SLC36A1: variants seen among roughly 807,000 people sequenced by gnomAD.
SLC36A1 encodes solute carrier family 36 member 1.
A neutral mutation model predicts 47.5 loss-of-function variants in SLC36A1; 30 were observed. The ratio of observed to expected loss-of-function variants is 0.63; its 90% CI spans 0.47 to 0.86. The LOEUF is 0.86. Among genes scored for constraint, SLC36A1 ranks in the 40% least tolerant of loss-of-function variants. SLC36A1 has a pLI of 0.00. For synonymous variants in SLC36A1, 255 were observed against 249.7 expected, an observed-to-expected ratio of 1.02 and a Z score of -0.20; for missense variants, 517 against 606.0, an observed-to-expected ratio of 0.85 and a Z score of 1.54.
At chr5:151,485,009 C>T (rs1048515076) in intron 10 of SLC36A1, among the ~76,000 whole-genome samples, 4 of 152,096 alleles carry the variant, frequency 2.6e-5, no homozygotes, top group African/African-American at 9.7e-5. Context: ...GTCTTGGTGT[C>T]GGTACCACAG....
At chr5:151,393,522 T>G in the SLC36A1 span, among the ~76,000 whole-genome samples, 1 of 152,212 alleles carries the variant, frequency 6.6e-6, no homozygotes, top group Non-Finnish European at 1.5e-5. Context: ...ATTTGTCATG[T>G]TTTTGCAGTG....
chr5:151,380,782 A>G, the SLC36A1 span: 1 of 527,736 alleles, frequency 1.9e-6, no homozygotes, highest in East Asian at 5.1e-5. Flanking sequence ...TTGTGAGCGC[A>G]AGGCCTCTGG....
the SLC36A1 span, chr5:151,554,331 C>G: frequency 2.5e-6 from 4 of 1,587,850 alleles, no homozygotes; most frequent in Admixed American, 3.4e-5. Flanking sequence ...CATGCCACTC[C>G]TCCCTCCGTG....
chr5:151,445,365 T>A (rs955624374), upstream of SLC36A1, among the ~76,000 whole-genome samples: 3 of 152,264 alleles, frequency 2.0e-5, no homozygotes, highest in African/African-American at 7.2e-5. Context: ...TTTTGATTGT[T>A]GTTGAATTCT....
the SLC36A1 span, chr5:151,505,558 T>A: frequency 1.2e-6 from 2 of 1,613,958 alleles, no homozygotes; most frequent in Non-Finnish European, 1.7e-6. Context: ...GCTCTGGGAA[T>A]GGGAAGCTAG....
intron 10 of SLC36A1, among the ~76,000 whole-genome samples, chr5:151,487,546 T>A (rs1288634539): frequency 6.6e-6 from 1 of 152,224 alleles, no homozygotes; most frequent in East Asian, 1.9e-4. Context: ...TTTGGTTTCT[T>A]GTCAGTCAGG....
At chr5:151,505,633 G>C in the SLC36A1 span, 1 of 1,614,132 alleles carries the variant, frequency 6.2e-7, no homozygotes, top group South Asian at 1.1e-5. Flanking sequence ...TAGTTGGGGG[G>C]CACCCGGGGC....
the SLC36A1 span, chr5:151,544,908 C>A: frequency 6.2e-7 from 1 of 1,613,980 alleles, no homozygotes; most frequent in South Asian, 1.1e-5. Flanking sequence ...TGTAATAGGG[C>A]AGATGCTTAA....
chr5:151,352,774 T>C, the SLC36A1 span, among the ~76,000 whole-genome samples: 1 of 152,232 alleles, frequency 6.6e-6, no homozygotes, highest in Non-Finnish European at 1.5e-5. Context: ...TTCTTATCTC[T>C]TGTCTGTAGT....
chr5:151,424,316 G>T, the SLC36A1 span, among the ~76,000 whole-genome samples: 1 of 152,242 alleles, frequency 6.6e-6, no homozygotes, highest in Non-Finnish European at 1.5e-5. Flanking sequence ...AAGGCGAAGG[G>T]ATGGGGGTTT....
At chr5:151,550,627 A>C in the SLC36A1 span, 1 of 1,614,154 alleles carries the variant, frequency 6.2e-7, no homozygotes, top group Non-Finnish European at 8.5e-7. Flanking sequence ...CCCCGAGCCG[A>C]GGTCCAATTT....
At chr5:151,371,435 C>A in the SLC36A1 span, among the ~76,000 whole-genome samples, 1 of 152,184 alleles carries the variant, frequency 6.6e-6, no homozygotes, top group African/African-American at 2.4e-5. Context: ...CTTTTACAAA[C>A]AACCTTGCAC....
the SLC36A1 span, among the ~76,000 whole-genome samples, chr5:151,360,384 G>A: frequency 6.6e-5 from 10 of 152,284 alleles, no homozygotes; most frequent in Admixed American, 2.6e-4. Flanking sequence ...GTTACTAAGA[G>A]AATCACAAGG....
chr5:151,396,352 C>T, the SLC36A1 span, among the ~76,000 whole-genome samples: 74,987 of 150,488 alleles, frequency 0.5, 20,506 homozygotes, highest in African/African-American at 0.75. Context: ...CCACCCGTCT[C>T]GGCCTGCCAA....
the SLC36A1 span, among the ~76,000 whole-genome samples, chr5:151,361,787 C>G: frequency 6.6e-6 from 1 of 152,116 alleles, no homozygotes; most frequent in Non-Finnish European, 1.5e-5. Flanking sequence ...ATTCTATCAT[C>G]TTCTGTTTAT....
At chr5:151,418,773 G>A in the SLC36A1 span, among the ~76,000 whole-genome samples, 106,624 of 152,028 alleles carry the variant, frequency 0.7, 39,033 homozygotes, top group African/African-American at 0.92. Context: ...ACTCTAGGGA[G>A]GGCATGATTG....
chr5:151,514,992 A>G, the SLC36A1 span, among the ~76,000 whole-genome samples: 3 of 152,166 alleles, frequency 2.0e-5, no homozygotes, highest in African/African-American at 7.2e-5. Context: ...TTTTTTTAAA[A>G]AAGGTTGTCT....
At chr5:151,542,314 T>A in the SLC36A1 span, 1 of 1,610,244 alleles carries the variant, frequency 6.2e-7, no homozygotes. Flanking sequence ...CTGCCTGTTC[T>A]GCTCAGAAAT....
the SLC36A1 span, among the ~76,000 whole-genome samples, chr5:151,421,016 G>A: frequency 2.6e-5 from 4 of 151,154 alleles, no homozygotes; most frequent in Middle Eastern, 0.01. Flanking sequence ...GACTACAGGC[G>A]CCCGCCACCA....
Sources: gnomAD v4.1 joint callset for allele counts (sites outside exome capture counted in the v4.1 genomes callset) on GRCh38, gnomAD v4.1.1 for gene constraint, MANE v1.5 for transcripts, NCBI Gene and HGNC (gene_info 2026-07-23, HGNC 2026-07-21) for gene names.